Variants in RGS6 observed in about 807,000 individuals in gnomAD.
The protein encoded by RGS6 is regulator of G-protein signaling 6.
In RGS6, 30 loss-of-function variants were observed where a neutral mutation model predicts 78.5. The ratio of observed to expected loss-of-function variants is 0.38; its 90% CI spans 0.29 to 0.52. The LOEUF (loss-of-function observed/expected upper bound fraction) is 0.52. Among genes scored for constraint, RGS6 ranks in the 20% least tolerant of loss-of-function variants. The probability of loss-of-function intolerance (pLI) is 0.85; values close to 1 mark genes in which losing one functional copy is unlikely to be tolerated. For missense variants in RGS6, 495 were observed against 609.7 expected, an observed-to-expected ratio of 0.81 and a Z score of 1.98; for synonymous variants, 206 against 206.0, an observed-to-expected ratio of 1.00 and a Z score of 0.00.
At chr14:72,561,017 G>A (rs1041266382) in intron 17 of RGS6, among the ~76,000 whole-genome samples, 1 of 151,658 alleles carries the variant, frequency 6.6e-6, no homozygotes, top group African/African-American at 2.4e-5. Context: ...TCAAAGTCAG[G>A]CTGGCCATGC....
chr14:72,508,340 C>A (rs751459331), intron 13 of RGS6, among the ~76,000 whole-genome samples: 11 of 152,132 alleles, frequency 7.2e-5, no homozygotes, highest in Non-Finnish European at 1.5e-4. Flanking sequence ...CCACATGTAG[C>A]TATTTAAATT....
At chr14:72,025,934 T>C (rs11158931) in intron 2 of RGS6, among the ~76,000 whole-genome samples, 20,778 of 152,098 alleles carry the variant, frequency 0.14, 1,532 homozygotes, top group African/African-American at 0.19. Flanking sequence ...AATAAAAGCT[T>C]TCACTATCAG....
chr14:72,524,943 G>A (rs1181343365), intron 15 of RGS6, among the ~76,000 whole-genome samples: 1 of 152,158 alleles, frequency 6.6e-6, no homozygotes, highest in Non-Finnish European at 1.5e-5. Context: ...CAGCCCCACT[G>A]CTTTCCTGAC....
At chr14:72,498,797 G>A (rs768366608) in intron 13 of RGS6, among the ~76,000 whole-genome samples, 5 of 152,158 alleles carry the variant, frequency 3.3e-5, no homozygotes, top group Admixed American at 6.5e-5. Flanking sequence ...TGAGGCACAC[G>A]ACAGTTTAAG....
At chr14:72,275,842 C>T (rs2060584346) in intron 2 of RGS6, among the ~76,000 whole-genome samples, 1 of 152,190 alleles carries the variant, frequency 6.6e-6, no homozygotes, top group South Asian at 2.1e-4. Flanking sequence ...ATTGCAGAGT[C>T]TCTACTTCCC....
At chr14:72,224,963 A>G (rs1177171480) in intron 2 of RGS6, among the ~76,000 whole-genome samples, 1 of 152,172 alleles carries the variant, frequency 6.6e-6, no homozygotes, top group Non-Finnish European at 1.5e-5. Context: ...ACACCTTTAA[A>G]TCTGTTGGAA....
chr14:72,578,893 T>C, the RGS6 span, among the ~76,000 whole-genome samples: 1 of 152,170 alleles, frequency 6.6e-6, no homozygotes, highest in Admixed American at 6.5e-5. Flanking sequence ...GGCGAAGCTG[T>C]AACATTATGA....
intron 2 of RGS6, among the ~76,000 whole-genome samples, chr14:72,153,583 A>G (rs1008351005): frequency 7.9e-5 from 12 of 152,172 alleles, no homozygotes; most frequent in Non-Finnish European, 1.5e-4. Context: ...GCTGAGAAAT[A>G]AAGAGAAAGA....
chr14:72,356,005 TG>T (rs1489151814), intron 3 of RGS6, among the ~76,000 whole-genome samples: 1 of 152,194 alleles, frequency 6.6e-6, no homozygotes, highest in Non-Finnish European at 1.5e-5. Context: ...TGCAGGATTT[TG>T]CACATGGCCT....
At chr14:72,175,831 G>A (rs2097097970) in intron 2 of RGS6, among the ~76,000 whole-genome samples, 1 of 152,090 alleles carries the variant, frequency 6.6e-6, no homozygotes, top group South Asian at 2.1e-4. Context: ...AGAGAGAAAG[G>A]GAGGAAGAGA....
the RGS6 span, among the ~76,000 whole-genome samples, chr14:71,882,895 C>T: frequency 1.3e-5 from 2 of 152,152 alleles, no homozygotes; most frequent in Admixed American, 1.3e-4. Flanking sequence ...CCCTAAATTG[C>T]CTTTCATTAG....
At chr14:71,905,635 A>G in the RGS6 span, among the ~76,000 whole-genome samples, 1 of 152,104 alleles carries the variant, frequency 6.6e-6, no homozygotes, top group African/African-American at 2.4e-5. Flanking sequence ...GATTACAGGC[A>G]CATGCCACGC....
chr14:71,981,994 C>G (rs954672688), intron 2 of RGS6, among the ~76,000 whole-genome samples: 1 of 152,058 alleles, frequency 6.6e-6, no homozygotes, highest in South Asian at 2.1e-4. Flanking sequence ...CGTGGTGCGC[C>G]GTTTTTTAAG....
chr14:72,263,353 CAG>C (rs2058498820), intron 2 of RGS6, among the ~76,000 whole-genome samples: 1 of 152,160 alleles, frequency 6.6e-6, no homozygotes, highest in East Asian at 1.9e-4. Context: ...TGTTTCTCTG[CAG>C]ACTCTCCGGA....
At chr14:72,268,626 A>G (rs1374996518) in intron 2 of RGS6, among the ~76,000 whole-genome samples, 1 of 152,232 alleles carries the variant, frequency 6.6e-6, no homozygotes, top group East Asian at 1.9e-4. Context: ...TTCACCAGTT[A>G]CTATAAGCTA....
intron 6 of RGS6, among the ~76,000 whole-genome samples, chr14:72,465,126 A>C (rs979136665): frequency 2.0e-5 from 3 of 152,212 alleles, no homozygotes; most frequent in Admixed American, 2.0e-4. Flanking sequence ...TGAAGCTGAA[A>C]AGAGTTTGGT....
intron 2 of RGS6, among the ~76,000 whole-genome samples, chr14:72,051,470 A>T (rs1443160368): frequency 3.3e-5 from 5 of 152,208 alleles, no homozygotes; most frequent in Admixed American, 1.3e-4. Context: ...TTAAAGAATA[A>T]GGCAAAAAAT....
intron 2 of RGS6, among the ~76,000 whole-genome samples, chr14:72,322,795 A>G (rs1383813351): frequency 6.6e-6 from 1 of 152,168 alleles, no homozygotes; most frequent in African/African-American, 2.4e-5. Context: ...GAATCACTTT[A>G]TCATCTCCAT....
chr14:71,939,781 TG>T (rs1267244794), intron 1 of RGS6, among the ~76,000 whole-genome samples: 4 of 152,240 alleles, frequency 2.6e-5, no homozygotes, highest in Non-Finnish European at 4.4e-5. Context: ...GAGAGTCAAA[TG>T]GGAATGTGGT....
Sources: allele counts gnomAD v4.1 joint callset (sites outside exome capture counted in the v4.1 genomes callset), GRCh38; gene constraint gnomAD v4.1.1; transcripts MANE v1.5; gene names NCBI Gene and HGNC (gene_info 2026-07-23, HGNC 2026-07-21).